RALGAPA1: variants seen among roughly 807,000 people sequenced by gnomAD.
RALGAPA1 encodes Ral GTPase activating protein catalytic subunit alpha 1, also known as ral GTPase-activating protein subunit alpha-1.
Under a neutral mutation model 269.6 loss-of-function variants are expected in RALGAPA1, and 52 were observed. That is an observed-to-expected ratio of 0.19 (90% CI 0.15 to 0.24). RALGAPA1 has a LOEUF of 0.24. Among genes scored for constraint, RALGAPA1 ranks in the 10% least tolerant of loss-of-function variants. The probability of loss-of-function intolerance (pLI) is 1.00; values close to 1 mark genes in which losing one functional copy is unlikely to be tolerated. For missense variants in RALGAPA1, 1,917 were observed against 3,013.9 expected, an observed-to-expected ratio of 0.64 and a Z score of 8.52; for synonymous variants, 817 against 1,008.3, an observed-to-expected ratio of 0.81 and a Z score of 3.60.
At position 35,538,754 on chromosome 14, in the gene RALGAPA1, T is replaced by G. The variant is rs2053723078; in HGVS notation, c.*960A>C. The stretch of plus-strand genomic sequence containing the variant: ...TTCCTTCTTTTCTTCCCCATCTTCT[T>G]TTTGGTGCTTAAAAAAGAACATAGA... On this transcript the variant is annotated 3_prime_UTR_variant, in exon 42 of 42. Transcript: ENST00000680220. 2 of 151,298 alleles carry G rather than the reference T, an allele frequency of 1.3e-5. No homozygotes were observed. Among genetic ancestry groups the G allele is most frequent in the African/African-American group, 4.9e-5 (2 of 41,066 alleles). 9.4% of individuals were successfully genotyped at this position (151,298 alleles called of 1,614,324 possible).
intron 1 of RALGAPA1, among the ~76,000 whole-genome samples, chr14:35,795,073 T>C (rs28704107): frequency 0.17 from 26,224 of 152,130 alleles, 2,585 homozygotes; most frequent in African/African-American, 0.26. Flanking sequence ...AAACTGTTGC[T>C]TCTCGTGTGT....
intron 35 of RALGAPA1, among the ~76,000 whole-genome samples, chr14:35,611,842 G>A (rs2059955946): frequency 6.6e-6 from 1 of 152,120 alleles, no homozygotes; most frequent in African/African-American, 2.4e-5. Flanking sequence ...AAACAATCTT[G>A]AAAAAGAATA....
rs145703663 is a variant in RALGAPA1, at chr14:35,721,045, T to C, written c.2266+643A>G. 3.3e-3 allele frequency among the ~76,000 whole-genome samples: 499 copies of C among 152,328 alleles called. 4 individuals carry two copies. The highest frequency in any genetic ancestry group is 0.011 in the African/African-American group (472 of 41,582). On this transcript the variant is annotated intron_variant, in intron 16 of 41. Coordinates refer to ENST00000680220, the MANE Select transcript of RALGAPA1 (RefSeq NM_001346249.2). The stretch of plus-strand genomic sequence containing the variant: ...TCTCATTGCAGTGCTTTTTCTACTA[T>C]AATTCAGCCAAGTTTATAAACCTCT...
intron 15 of RALGAPA1, among the ~76,000 whole-genome samples, 191 bp from the exon 16 acceptor site, chr14:35,722,040 G>A (rs761356072): frequency 2.6e-5 from 4 of 151,912 alleles, no homozygotes; most frequent in African/African-American, 9.7e-5. Context: ...AAACTGATGC[G>A]CAATTTTAAA....
intron 31 of RALGAPA1, among the ~76,000 whole-genome samples, chr14:35,649,652 T>C (rs1186315141): frequency 1.3e-5 from 2 of 152,238 alleles, no homozygotes; most frequent in Non-Finnish European, 2.9e-5. Context: ...TGTCTCTATT[T>C]ATGTCTCTAT....
At position 35,605,684 on chromosome 14, in the gene RALGAPA1, A is replaced by T; in HGVS notation, c.6955T>A (p.Phe2319Ile). Reference protein sequence around the residue: ...QCRETHKIAVFYVAEGQEDKH... With the variant: ...QCRETHKIAVIYVAEGQEDKH... ...TCTTCTTGTCCTTCAGCAACATAAA[A>T]TACTGCAATCTTGTGTGTCTCTCGG... Residue 2319 changes from phenylalanine (F) to isoleucine (I), a missense_variant, in exon 36 of 42, where the codon TTT becomes ATT. Phe to Ile is a conservative substitution (Grantham distance 21). Transcript: ENST00000680220. 6.2e-7 allele frequency: 1 copy of T among 1,610,676 alleles called. No homozygotes were observed. The highest frequency in any genetic ancestry group is 8.5e-7 in the Non-Finnish European group (1 of 1,179,018).
chr14:35,539,418 G>A lies in RALGAPA1; in HGVS notation c.*296C>T, dbSNP rs2053764917. On this transcript the variant is annotated 3_prime_UTR_variant, in exon 42 of 42. Coordinates refer to ENST00000680220, the MANE Select transcript of RALGAPA1 (RefSeq NM_001346249.2). ...TTATTTAAAATTATTTAAATCCAGT[G>A]TTTTCTCAAATAAATGTACAGGAAG... 3.0e-6 allele frequency: 2 copies of A among 672,024 alleles called. No homozygotes were observed. Among genetic ancestry groups the A allele is most frequent in the Admixed American group, 3.7e-5 (1 of 26,850 alleles). 41.6% of individuals were successfully genotyped at this position (672,024 alleles called of 1,614,324 possible).
At chr14:35,621,398 A>T (rs2060616988) in intron 35 of RALGAPA1, among the ~76,000 whole-genome samples, 1 of 152,196 alleles carries the variant, frequency 6.6e-6, no homozygotes, top group African/African-American at 2.4e-5. Flanking sequence ...TAGACCTAAA[A>T]CCATCAAAAC....
At chr14:35,570,501 A>T (rs2057094364) in intron 39 of RALGAPA1, 116 bp downstream of exon 39, 3 of 867,166 alleles carry the variant, frequency 3.5e-6, no homozygotes, top group East Asian at 6.4e-5. Context: ...TTTCTACAAA[A>T]AATAATAATT....
intron 39 of RALGAPA1, among the ~76,000 whole-genome samples, chr14:35,550,467 T>C: frequency 6.6e-6 from 1 of 152,132 alleles, no homozygotes; most frequent in East Asian, 1.9e-4. Context: ...AATTTAATTA[T>C]TATATAGTTC....
At chr14:35,595,010 A>T (rs1457478348) in intron 37 of RALGAPA1, among the ~76,000 whole-genome samples, 2 of 152,030 alleles carry the variant, frequency 1.3e-5, no homozygotes, top group East Asian at 3.8e-4. Flanking sequence ...GACTTGGAGG[A>T]CACTATGTGT....
intron 1 of RALGAPA1, among the ~76,000 whole-genome samples, chr14:35,796,080 A>C (rs1040752961): frequency 1.3e-5 from 2 of 152,228 alleles, no homozygotes; most frequent in African/African-American, 4.8e-5. Context: ...ATAAGAAAAG[A>C]GGATGATCAA....
intron 28 of RALGAPA1, among the ~76,000 whole-genome samples, chr14:35,656,285 TA>T (rs2063171709): frequency 1.3e-5 from 2 of 152,194 alleles, no homozygotes; most frequent in African/African-American, 4.8e-5. Flanking sequence ...TGAACTTAAG[TA>T]AAAACATGAA....
At chr14:35,545,116 C>T (rs1177214965) in intron 41 of RALGAPA1, among the ~76,000 whole-genome samples, 1 of 152,060 alleles carries the variant, frequency 6.6e-6, no homozygotes, top group Non-Finnish European at 1.5e-5. Context: ...CTTCTGTTGG[C>T]ACTTACTAAT....
intron 1 of RALGAPA1, among the ~76,000 whole-genome samples, chr14:35,798,536 A>C (rs182008823): frequency 1.3e-5 from 2 of 152,330 alleles, no homozygotes; most frequent in Admixed American, 6.5e-5. Context: ...CAAGGTGACG[A>C]ATATCCTAAA....
chr14:35,789,359 C>T (rs912329368), intron 1 of RALGAPA1, among the ~76,000 whole-genome samples: 6 of 151,634 alleles, frequency 4.0e-5, no homozygotes, highest in African/African-American at 1.5e-4. Flanking sequence ...TTTGGGAGGC[C>T]GAGGTGGGTG....
chr14:35,613,026 C>T (rs970495665), intron 35 of RALGAPA1, among the ~76,000 whole-genome samples: 3 of 151,182 alleles, frequency 2.0e-5, no homozygotes, highest in African/African-American at 4.8e-5. Flanking sequence ...CTAGAACATA[C>T]ATATAAAGAA....
chr14:35,613,567 C>G (rs929271201), intron 35 of RALGAPA1, among the ~76,000 whole-genome samples: 2 of 152,208 alleles, frequency 1.3e-5, no homozygotes, highest in East Asian at 1.9e-4. Flanking sequence ...AGGGGAGCAT[C>G]CTTCCTTGCC....
chr14:35,775,307 G>A (rs774992741), intron 2 of RALGAPA1, among the ~76,000 whole-genome samples: 41 of 152,010 alleles, frequency 2.7e-4, no homozygotes, highest in Non-Finnish European at 5.6e-4. Flanking sequence ...CTTCAAATAA[G>A]CTCTGAAAAT....
Sources: allele counts gnomAD v4.1 joint callset (sites outside exome capture counted in the v4.1 genomes callset), GRCh38; gene constraint gnomAD v4.1.1; transcripts MANE v1.5; gene names NCBI Gene and HGNC (gene_info 2026-07-23, HGNC 2026-07-21).